Variants in DLL4 observed in about 807,000 individuals in gnomAD.
DLL4 encodes delta like canonical Notch ligand 4.
A neutral mutation model predicts 73.6 loss-of-function variants in DLL4; 7 were observed. The observed-to-expected ratio is 0.10, with a 90% CI of 0.05 to 0.18. DLL4 has a LOEUF of 0.18. DLL4 is among the 10% of genes least tolerant of loss of function. The pLI, the probability that DLL4 is intolerant of heterozygous loss-of-function variation, is 1.00. For missense variants in DLL4, 614 were observed against 929.9 expected (o/e 0.66, Z 4.42); for synonymous variants, 345 against 374.3 (o/e 0.92, Z 0.90).
At chr15:40,934,441 G>A in intron 6 of DLL4, 107 bp from the exon 7 acceptor site, 2 of 1,124,964 alleles carry the variant, frequency 1.8e-6, no homozygotes, top group Non-Finnish European at 1.3e-6. Context: ...GAGACTTTGA[G>A]TTGAGGTGTC....
In DLL4 at chr15:40,936,586, G is replaced by T. The variant is rs549126795; in HGVS notation, c.1599G>T (p.Ser533=). The T allele has an allele frequency of 6.2e-7, 1 of 1,609,068 alleles. No homozygotes were observed. The highest frequency in any genetic ancestry group is 8.5e-7 in the Non-Finnish European group (1 of 1,178,416). ...CCAGCTTCCCCTGGGTGGCCGTCTC[G>T]CTGGGTGTGGGGCTGGCAGTGCTGC... ...LPPSFPWVAV[S]LGVGLAVLLV... is the part of the protein sequence containing the mutation. The change falls in exon 9 of 11, where the codon TCG becomes TCT. Residue 533 remains serine, a synonymous_variant. Coordinates refer to ENST00000249749, the MANE Select transcript of DLL4 (RefSeq NM_019074.4).
chr15:40,935,244 C>A, intron 8 of DLL4, 127 bp downstream of exon 8: 1 of 965,112 alleles, frequency 1.0e-6, no homozygotes, highest in Non-Finnish European at 1.5e-6. Context: ...CTCTGGAGGG[C>A]GAAGAGCTTG....
In DLL4 at chr15:40,938,041, A is replaced by C. The variant is rs768227304; in HGVS notation, c.*7A>C. 1 of 1,580,018 alleles carries C rather than the reference A, an allele frequency of 6.3e-7. No homozygotes were observed. The highest frequency in any genetic ancestry group is 1.4e-5 in the African/African-American group (1 of 73,476). On this transcript the variant is annotated 3_prime_UTR_variant, in exon 11 of 11. Transcript: ENST00000249749. ...CGCTTGCTCCCAGGTATAAGGCAGGAGCCTACCTGGACATCCCTGCTCAGC... is the reference window on the plus strand; with the variant it reads ...CGCTTGCTCCCAGGTATAAGGCAGGCGCCTACCTGGACATCCCTGCTCAGC...
chr15:40,935,851 C>T (rs1193962875), intron 8 of DLL4, among the ~76,000 whole-genome samples: 1 of 152,202 alleles, frequency 6.6e-6, no homozygotes, highest in Non-Finnish European at 1.5e-5. Context: ...TGTACCTTCC[C>T]GGCTATCCTA....
At chr15:40,937,338 C>G in intron 9 of DLL4, 80 bp from the exon 10 acceptor site, 1 of 973,832 alleles carries the variant, frequency 1.0e-6, no homozygotes. Context: ...CCTGCAGATG[C>G]CCTTTGGCTC....
rs766898030 is a variant in DLL4, at chr15:40,936,671, G to A, written c.1684G>A (p.Asp562Asn). The A allele has an allele frequency of 6.2e-6, 10 of 1,612,820 alleles. No individual in the cohort carries two copies. The highest frequency in any genetic ancestry group is 2.7e-5 in the African/African-American group (2 of 74,920). The stretch of plus-strand genomic sequence containing the variant: ...GCAGCTGCGGCTTCGACGGCCGGAC[G>A]ACGGCAGCAGGGAAGCCATGAACAA... Reference protein sequence around the residue: ...VRQLRLRRPDDGSREAMNNLS... With the variant: ...VRQLRLRRPDNGSREAMNNLS... The change falls in exon 9 of 11, where the codon GAC becomes AAC. Residue 562 changes from aspartate (D) to asparagine (N), a missense_variant. Transcript: ENST00000249749.
chr15:40,931,323 A>C lies in DLL4; in HGVS notation c.395-180A>C, dbSNP rs993128582. ...GCACATGCACACACGTAGGGCAGCT[A>C]CGTAGCGGGGCTTTGGGTCCCTCTG... On this transcript the variant is annotated intron_variant, in intron 3 of 10. Coordinates refer to ENST00000249749, the MANE Select transcript of DLL4 (RefSeq NM_019074.4). The C allele has an allele frequency of 8.9e-6, 6 of 671,016 alleles. No homozygotes were observed. In the African/African-American group the frequency reaches 1.1e-4, roughly 12 times the overall value. The allele number at this position is 671,016 out of a possible 1,614,324, so 41.6% of individuals were successfully genotyped here. A position where few individuals can be genotyped will look rare whatever the true frequency, so the allele number is the denominator to read the frequency against.
intron 6 of DLL4, among the ~76,000 whole-genome samples, chr15:40,933,784 G>GCCATTTTGGTT (rs1892803712): frequency 6.6e-6 from 1 of 152,112 alleles, no homozygotes; most frequent in East Asian, 1.9e-4. Flanking sequence ...TTGGTTGACT[G>GCCATTTTGGTT]CACTGGTCAT....
At chr15:40,933,133 T>C (rs1892792729) in intron 6 of DLL4, among the ~76,000 whole-genome samples, 1 of 152,158 alleles carries the variant, frequency 6.6e-6, no homozygotes, top group Non-Finnish European at 1.5e-5. Context: ...ATTTTCAGGA[T>C]CAAATGGGTG....
rs976104394 is a variant in DLL4 at position 40,929,371 on chromosome 15, G to T, written c.-298G>T. On this transcript the variant is annotated 5_prime_UTR_variant, in exon 1 of 11. Coordinates refer to ENST00000249749, the MANE Select transcript of DLL4 (RefSeq NM_019074.4). The surrounding 1 kb of genome is among the most constrained non-coding windows in gnomAD (Gnocchi z 7.1). The stretch of plus-strand genomic sequence containing the variant: ...GGCGCTGCGCGCAGGCCGGGAACAC[G>T]AGGCCAAGAGCCGCAGCCCCAGCCG... 4 of 413,334 alleles carry T rather than the reference G, an allele frequency of 9.7e-6. No homozygotes were observed. The highest frequency in any genetic ancestry group is 1.7e-5 in the Non-Finnish European group (4 of 234,472). 25.6% of individuals were successfully genotyped at this position (413,334 alleles called of 1,614,324 possible).
In DLL4 at chr15:40,935,245, G is replaced by A. The variant is rs775295101; in HGVS notation, c.1240+128G>A. The A allele has an allele frequency of 1.3e-5, 12 of 952,296 alleles. No homozygotes were observed. In the South Asian group the frequency reaches 1.6e-4, roughly 13 times the overall value. 59.0% of individuals were successfully genotyped at this position (952,296 alleles called of 1,614,324 possible). On this transcript the variant is annotated intron_variant, in intron 8 of 10. Coordinates refer to ENST00000249749, the MANE Select transcript of DLL4 (RefSeq NM_019074.4). ...TGGCCCCCCATCTGCTCTGGAGGGC[G>A]AAGAGCTTGCTTGATCAGCTGGGGG...
chr15:40,937,491 T>A lies in DLL4; in HGVS notation c.2017T>A (p.Ser673Thr), dbSNP rs779285891. ...DSMYQSVCLI[S>T]EERNECVIAT... ...CATGTACCAGTCTGTGTGTTTGATA[T>A]CAGAGGAGAGGAATGAATGTGTCAT... is the stretch of plus-strand genomic sequence containing the variant. The change falls in exon 10 of 11, where the codon TCA becomes ACA. Residue 673 changes from serine (S) to threonine (T), a missense_variant. By Grantham distance (58) the Ser-to-Thr change is moderately conservative. Around this residue, in one of 3 missense-constraint regions of DLL4, gnomAD observed 386 missense variants for 541.3 expected, o/e 0.71. Transcript: ENST00000249749. 1.1e-5 allele frequency: 17 copies of A among 1,613,546 alleles called. No individual in the cohort carries two copies. Among genetic ancestry groups the A allele is most frequent in the Non-Finnish European group, 1.4e-5 (17 of 1,179,558 alleles).
Position 40,931,563 on chromosome 15 carries a change from G to A in DLL4, c.455G>A (p.Gly152Asp), listed in dbSNP as rs1892771314. Residue 152 changes from glycine to aspartate, a missense_variant, in exon 4 of 11, where the codon GGT becomes GAT. Physicochemically the swap from Gly to Asp is moderately conservative, Grantham distance 94 (BLOSUM62 -1). Around this residue, in one of 3 missense-constraint regions of DLL4, gnomAD observed 227 missense variants for 370.8 expected, o/e 0.61. Coordinates refer to ENST00000249749, the MANE Select transcript of DLL4 (RefSeq NM_019074.4). ...GCCATCCAGGGCTCCCTAGCTGTGG[G>A]TCAGAACTGGTTATTGGATGAGCAA... The part of the protein sequence containing the change: ...KIAIQGSLAV[G>D]QNWLLDEQTS... 6.2e-7 allele frequency: 1 copy of A among 1,611,446 alleles called. No individual in the cohort carries two copies. Among genetic ancestry groups the A allele is most frequent in the East Asian group, 2.2e-5 (1 of 44,804 alleles).
chr15:40,930,760 A>G lies in DLL4; in HGVS notation c.394+78A>G. Reference sequence around the variant, plus strand: ...GAGTTAATCTGTTCTAGGCGGGGGAAGTGCGGGCTTGGGGGTGGGAGGCAG... The same window carrying G: ...GAGTTAATCTGTTCTAGGCGGGGGAGGTGCGGGCTTGGGGGTGGGAGGCAG... On this transcript the variant is annotated intron_variant, in intron 3 of 10. Transcript: ENST00000249749. This position sits in a 1 kb window ranked among gnomAD's most constrained non-coding sequence, Gnocchi z 5.7. 1 of 1,364,918 alleles carries G rather than the reference A, an allele frequency of 7.3e-7. No individual in the cohort carries two copies. Among genetic ancestry groups the G allele is most frequent in the Non-Finnish European group, 1.0e-6 (1 of 970,128 alleles). The allele number at this position is 1,364,918 out of a possible 1,614,324, so 84.6% of individuals were successfully genotyped here.
At position 40,937,457 on chromosome 15, in the gene DLL4, C is replaced by G. The variant is rs1306944979; in HGVS notation, c.1983C>G (p.Pro661=). Residue 661 remains proline (P), a synonymous_variant, in exon 10 of 11, where the codon CCC becomes CCG. Coordinates refer to ENST00000249749, the MANE Select transcript of DLL4 (RefSeq NM_019074.4). The part of the protein sequence containing the change: ...PECRISAICS[P]RDSMYQSVCL... ...GTCGGATATCAGCGATATGCTCCCCCAGGGACTCCATGTACCAGTCTGTGT... is the reference window on the plus strand; with the variant it reads ...GTCGGATATCAGCGATATGCTCCCCGAGGGACTCCATGTACCAGTCTGTGT... 1.2e-6 allele frequency: 2 copies of G among 1,613,822 alleles called. No homozygotes were observed. Among genetic ancestry groups the G allele is most frequent in the African/African-American group, 1.3e-5 (1 of 74,950 alleles).
In DLL4 at chr15:40,929,990, G is replaced by T. The variant is rs374705119; in HGVS notation, c.210G>T (p.Ser70=). The T allele has an allele frequency of 1.2e-5, 19 of 1,612,798 alleles. No homozygotes were observed. The highest frequency in any genetic ancestry group is 1.4e-5 in the Non-Finnish European group (17 of 1,179,720). The change falls in exon 2 of 11, where the codon TCG becomes TCT. Residue 70 remains serine (S), a synonymous_variant. Coordinates refer to ENST00000249749, the MANE Select transcript of DLL4 (RefSeq NM_019074.4). This position sits in a 1 kb window ranked among gnomAD's most constrained non-coding sequence, Gnocchi z 7.1. ...TTAAGCACTTCCAGGCGGTCGTCTC[G>T]CCCGGACCCTGCACCTTCGGGACCG... The part of the protein sequence containing the change: ...VCLKHFQAVV[S]PGPCTFGTVS...
Position 40,932,363 on chromosome 15 carries a change from C to T in DLL4, c.766C>T (p.His256Tyr). 6.2e-7 allele frequency: 1 copy of T among 1,614,024 alleles called. No individual in the cohort carries two copies. The highest frequency in any genetic ancestry group is 8.5e-7 in the Non-Finnish European group (1 of 1,179,904). Residue 256 changes from histidine (H) to tyrosine (Y), a missense_variant, in exon 6 of 11, where the codon CAC becomes TAC. Physicochemically the swap from His to Tyr is moderately conservative, Grantham distance 83 (BLOSUM62 2). This residue lies in a region of DLL4 where 227 missense variants were observed against 370.8 expected (regional missense o/e 0.61). Transcript: ENST00000249749. ...CCGGCTGTGTAACGAATGCATCCCC[C>T]ACAATGGCTGTCGCCACGGCACCTG... Reference protein sequence around the residue: ...QGRLCNECIPHNGCRHGTCST... With the variant: ...QGRLCNECIPYNGCRHGTCST...
At chr15:40,933,533 A>G (rs1036173873) in intron 6 of DLL4, among the ~76,000 whole-genome samples, 6 of 152,174 alleles carry the variant, frequency 3.9e-5, no homozygotes, top group Non-Finnish European at 8.8e-5. Flanking sequence ...TCCTTTAAAA[A>G]ATGCCCGATT....
intron 6 of DLL4, among the ~76,000 whole-genome samples, chr15:40,934,222 A>G (rs1381012294): frequency 6.6e-6 from 1 of 151,116 alleles, no homozygotes; most frequent in Non-Finnish European, 1.5e-5. Context: ...GCTACTTAGA[A>G]GGTTGAGGTA....
Sources: allele counts gnomAD v4.1 joint callset (sites outside exome capture counted in the v4.1 genomes callset), GRCh38; gene constraint gnomAD v4.1.1; regional missense constraint gnomAD v4.1.1; non-coding constraint Gnocchi (gnomAD v3.1); transcripts MANE v1.5; gene names NCBI Gene and HGNC (gene_info 2026-07-23, HGNC 2026-07-21).